Variants in PCDHGA6 observed in about 807,000 individuals in gnomAD.
PCDHGA6 encodes the protein protocadherin gamma-A6.
Under a neutral mutation model 60.6 loss-of-function variants are expected in PCDHGA6, and 41 were observed. The ratio of observed to expected loss-of-function variants is 0.68; its 90% CI spans 0.53 to 0.88. PCDHGA6 has a LOEUF of 0.88. Ranked by LOEUF, PCDHGA6 falls within the 40% of genes least tolerant of loss-of-function variation. PCDHGA6 has a pLI of 0.00. For missense variants in PCDHGA6, 1,312 were observed against 1,203.0 expected, an observed-to-expected ratio of 1.09 and a Z score of -1.34; for synonymous variants, 594 against 524.4, an observed-to-expected ratio of 1.13 and a Z score of -1.81.
At chr5:141,501,146 T>C (rs2299023) in intron 2 of PCDHGA6, among the ~76,000 whole-genome samples, 88,663 of 152,012 alleles carry the variant, frequency 0.58, 27,355 homozygotes, top group African/African-American at 0.78. Context: ...GGATTACAGG[T>C]GGGAGCCACC....
chr5:141,409,552 A>G, intron 1 of PCDHGA6: 8 of 1,613,962 alleles, frequency 5.0e-6, no homozygotes, highest in Non-Finnish European at 6.8e-6. Flanking sequence ...ACAACGCCCC[A>G]GTTTTCGACC....
intron 1 of PCDHGA6, chr5:141,422,006 C>G: frequency 6.2e-7 from 1 of 1,609,754 alleles, no homozygotes; most frequent in Non-Finnish European, 8.5e-7. Flanking sequence ...AGCTCCGGAA[C>G]TCGGGTGCTG....
chr5:141,410,447 C>A, intron 1 of PCDHGA6: 1 of 1,613,984 alleles, frequency 6.2e-7, no homozygotes, highest in Non-Finnish European at 8.5e-7. Context: ...GGGGACTTTG[C>A]CTTATTCTTA....
chr5:141,400,167 C>A, intron 1 of PCDHGA6: 1 of 1,614,082 alleles, frequency 6.2e-7, no homozygotes, highest in Non-Finnish European at 8.5e-7. Flanking sequence ...CCTCTGACCC[C>A]CAGGCTGAGC....
At chr5:141,410,527 C>T (rs1398639610) in intron 1 of PCDHGA6, 1 of 1,613,920 alleles carries the variant, frequency 6.2e-7, no homozygotes, top group East Asian at 2.2e-5. Context: ...CCCTACATTC[C>T]AATGAAGACA....
At chr5:141,387,791 A>T in intron 1 of PCDHGA6, 1 of 1,492,120 alleles carries the variant, frequency 6.7e-7, no homozygotes, top group Non-Finnish European at 8.9e-7. Context: ...AACTGCAACT[A>T]AAGTCCGTTC....
chr5:141,419,566 C>T (rs765992004), intron 1 of PCDHGA6: 4 of 1,611,790 alleles, frequency 2.5e-6, no homozygotes, highest in East Asian at 2.2e-5. Flanking sequence ...CGCTGGGTCC[C>T]GACGGCTCCG....
Position 141,378,772 on chromosome 5 carries a change from A to G in PCDHGA6, c.2424+2265A>G, listed in dbSNP as rs1588863408. 6 of 152,352 alleles carry G rather than the reference A, an allele frequency of 3.9e-5. No individual in the cohort carries two copies. The South Asian group carries it at 1.2e-3, about 32-fold the overall frequency. 9.4% of individuals were successfully genotyped at this position (152,352 alleles called of 1,614,324 possible). A position where few individuals can be genotyped will look rare whatever the true frequency, so the allele number is the denominator to read the frequency against. ...AAAGGGATTATCATTTAGAAGACTG[A>G]TTAGTCTTATTTATTATGACTGAAA... On this transcript the variant is annotated intron_variant, in intron 1 of 3. Transcript: ENST00000517434.
Position 141,476,598 on chromosome 5 carries a change from A to G in PCDHGA6, c.2425-18209A>G, listed in dbSNP as rs1222456783. The G allele has an allele frequency of 6.2e-7, 1 of 1,614,238 alleles. No homozygotes were observed. Among genetic ancestry groups the G allele is most frequent in the South Asian group, 1.1e-5 (1 of 91,088 alleles). On this transcript the variant is annotated intron_variant, in intron 1 of 3. Transcript: ENST00000517434. This position sits in a 1 kb window ranked among gnomAD's most constrained non-coding sequence, Gnocchi z 7.6. ...CGCTTTCCGCTCGAGAGCGCGCACG[A>G]TCCCGATGTGGGAAGCAACTCTTTA... is the stretch of plus-strand genomic sequence containing the variant.
At chr5:141,421,619 C>T (rs778666303) in intron 1 of PCDHGA6, 2 of 1,613,694 alleles carry the variant, frequency 1.2e-6, no homozygotes, top group South Asian at 1.1e-5. Flanking sequence ...AATGATAACG[C>T]CCCCAGCTTC....
At chr5:141,413,501 G>A (rs772110374) in intron 1 of PCDHGA6, 1 of 1,614,040 alleles carries the variant, frequency 6.2e-7, no homozygotes, top group Non-Finnish European at 8.5e-7. Context: ...TGCGTGGTGA[G>A]TTTTAATATC....
chr5:141,395,562 G>T (rs975935179), intron 1 of PCDHGA6: 2 of 227,450 alleles, frequency 8.8e-6, no homozygotes, highest in Non-Finnish European at 1.7e-5. Context: ...GTGTGTGTGT[G>T]TGTGTGTGTG....
chr5:141,382,997 A>G lies in PCDHGA6; in HGVS notation c.2424+6490A>G, dbSNP rs1209270277. On this transcript the variant is annotated intron_variant, in intron 1 of 3. Transcript: ENST00000517434. Reference sequence around the variant, plus strand: ...GAAGCCTGGGCAGGACGTATTCTCTACTCCGTGTCGGAGGAGACGGACAAA... The same window carrying G: ...GAAGCCTGGGCAGGACGTATTCTCTGCTCCGTGTCGGAGGAGACGGACAAA... 1 of 1,613,426 alleles carries G rather than the reference A, an allele frequency of 6.2e-7. No individual in the cohort carries two copies. Among genetic ancestry groups the G allele is most frequent in the Non-Finnish European group, 8.5e-7 (1 of 1,179,728 alleles).
rs539892249 is a variant in PCDHGA6 at position 141,500,355 on chromosome 5, C to T, written c.2484-5038C>T. ...TCCAGAATAGCTGGGACTACAGGCG[C>T]CCACTACCACGCCCGGCTAATTATT... On this transcript the variant is annotated intron_variant, in intron 2 of 3. Coordinates refer to ENST00000517434, the MANE Select transcript of PCDHGA6 (RefSeq NM_018919.3). Among the ~76,000 whole-genome samples, 274 of 152,030 alleles carry T rather than the reference C, an allele frequency of 1.8e-3. 2 individuals are homozygous for T. The highest frequency in any genetic ancestry group is 6.3e-3 in the African/African-American group (263 of 41,478).
rs371280575 is a variant in PCDHGA6 at position 141,393,339 on chromosome 5, C to T, written c.2424+16832C>T. ...CCAGAGCTACCAGCTCAGCCCCAAT[C>T]ACCACTTCTCCCTGGACGTGCAGAC... On this transcript the variant is annotated intron_variant, in intron 1 of 3. Coordinates refer to ENST00000517434, the MANE Select transcript of PCDHGA6 (RefSeq NM_018919.3). 109 of 1,613,800 alleles carry T rather than the reference C, an allele frequency of 6.8e-5. No individual in the cohort carries two copies. The highest frequency in any genetic ancestry group is 9.2e-5 in the Non-Finnish European group (109 of 1,179,890).
chr5:141,385,283 T>C, intron 1 of PCDHGA6: 1 of 1,613,444 alleles, frequency 6.2e-7, no homozygotes, highest in Non-Finnish European at 8.5e-7. Flanking sequence ...CTAACATCCG[T>C]AGATTTTCAG....
chr5:141,488,480 C>A (rs935896624), intron 1 of PCDHGA6, among the ~76,000 whole-genome samples: 6 of 152,298 alleles, frequency 3.9e-5, no homozygotes, highest in African/African-American at 1.4e-4. Flanking sequence ...GTTCCCCTAC[C>A]CAAAAACTGT....
intron 1 of PCDHGA6, chr5:141,414,156 T>TCTC (rs1462369810): frequency 6.2e-7 from 1 of 1,601,848 alleles, no homozygotes; most frequent in Admixed American, 1.7e-5. Flanking sequence ...AAGCAGAAGA[T>TCTC]GGAGGAGCAT....
In PCDHGA6 at chr5:141,490,175, A is replaced by C; in HGVS notation, c.2425-4632A>C. The C allele has an allele frequency of 1.9e-6, 3 of 1,614,194 alleles. No homozygotes were observed. Among genetic ancestry groups the C allele is most frequent in the East Asian group, 4.5e-5 (2 of 44,884 alleles). On this transcript the variant is annotated intron_variant, in intron 1 of 3. Coordinates refer to ENST00000517434, the MANE Select transcript of PCDHGA6 (RefSeq NM_018919.3). This position sits in a 1 kb window ranked among gnomAD's most constrained non-coding sequence, Gnocchi z 5.4. ...GTGTTGGGTCCCATAGACTTTGAGG[A>C]GTCACGTTTCTATGAAATTCATGCA...
Sources: allele counts gnomAD v4.1 joint callset (sites outside exome capture counted in the v4.1 genomes callset), GRCh38; gene constraint gnomAD v4.1.1; non-coding constraint Gnocchi (gnomAD v3.1); transcripts MANE v1.5; gene names NCBI Gene and HGNC (gene_info 2026-07-23, HGNC 2026-07-21).